DOK6: variants seen among roughly 807,000 people sequenced by gnomAD.
DOK6 encodes docking protein 6, also known as downstream of tyrosine kinase 6.
Under a neutral mutation model 44.0 loss-of-function variants are expected in DOK6, and 22 were observed. The observed-to-expected ratio is 0.50, with a 90% CI of 0.36 to 0.71. The LOEUF is 0.71. DOK6 is among the 30% of genes least tolerant of loss of function. The probability of loss-of-function intolerance (pLI) is 0.00; values close to 1 mark genes in which losing one functional copy is unlikely to be tolerated. For missense variants in DOK6, 340 were observed against 416.4 expected (o/e 0.82, Z 1.60); for synonymous variants, 166 against 145.5 (o/e 1.14, Z -1.01).
At chr18:69,666,533 A>G (rs1052783751) in intron 3 of DOK6, among the ~76,000 whole-genome samples, 22 of 152,108 alleles carry the variant, frequency 1.4e-4, no homozygotes, top group African/African-American at 4.1e-4. Flanking sequence ...TTTTTTCTCA[A>G]TTACACAGTG....
chr18:69,828,975 T>C (rs115467467), intron 7 of DOK6, among the ~76,000 whole-genome samples: 1,504 of 143,706 alleles, frequency 0.01, 23 homozygotes, highest in African/African-American at 0.035. Context: ...ATTTGGGTAA[T>C]AGAATGTTTT....
rs924101246 is a variant in DOK6 at position 69,843,721 on chromosome 18, C to T, written c.*2338C>T. 6.6e-6 allele frequency: 1 copy of T among 152,200 alleles called. No individual in the cohort carries two copies. The highest frequency in any genetic ancestry group is 1.5e-5 in the Non-Finnish European group (1 of 68,048). The allele number at this position is 152,200 out of a possible 1,614,324, so 9.4% of individuals were successfully genotyped here. A position where few individuals can be genotyped will look rare whatever the true frequency, so the allele number is the denominator to read the frequency against. On this transcript the variant is annotated 3_prime_UTR_variant, in exon 8 of 8. Transcript: ENST00000382713. ...AACTGAAGGAGCACCAAAGATCAGG[C>T]ATAACCTCGGGCCAGTTCATTCTGA...
chr18:69,831,751 C>G, intron 7 of DOK6, among the ~76,000 whole-genome samples: 1 of 152,176 alleles, frequency 6.6e-6, no homozygotes, highest in Admixed American at 6.5e-5. Context: ...GCACAGTGAT[C>G]AAATCATAAC....
At chr18:69,490,254 G>T (rs1056566575) in intron 1 of DOK6, among the ~76,000 whole-genome samples, 1 of 152,140 alleles carries the variant, frequency 6.6e-6, no homozygotes, top group African/African-American at 2.4e-5. Context: ...TCATTAGACA[G>T]CAGTCACAGC....
At chr18:69,608,476 T>G (rs1218615999) in intron 3 of DOK6, among the ~76,000 whole-genome samples, 1 of 152,230 alleles carries the variant, frequency 6.6e-6, no homozygotes, top group East Asian at 1.9e-4. Flanking sequence ...AAGATTGATT[T>G]GGATATTCAT....
intron 5 of DOK6, among the ~76,000 whole-genome samples, chr18:69,703,730 AG>A (rs1333074101): frequency 8.5e-5 from 13 of 152,206 alleles, no homozygotes; most frequent in African/African-American, 2.9e-4. Context: ...CAGGGGAAGA[AG>A]GTGGGAACAT....
rs750346554 is a variant in DOK6 at position 69,564,607 on chromosome 18, C to G, written c.174+13C>G. The G allele has an allele frequency of 6.3e-6, 10 of 1,589,600 alleles. No homozygotes were observed. The highest frequency in any genetic ancestry group is 8.6e-6 in the Non-Finnish European group (10 of 1,163,358). On this transcript the variant is annotated intron_variant, in intron 2 of 7. Coordinates refer to ENST00000382713, the MANE Select transcript of DOK6 (RefSeq NM_152721.6). ...AAACTTTCATAAGGTAAGTCACAGT[C>G]CTGGGAGTCCCTGGGGAATAACTGG...
chr18:69,423,411 G>C (rs1174044742), intron 1 of DOK6, among the ~76,000 whole-genome samples: 1 of 152,156 alleles, frequency 6.6e-6, no homozygotes, highest in Non-Finnish European at 1.5e-5. Context: ...GTATTTATCT[G>C]TGTTACTACC....
chr18:69,544,314 A>G (rs1206263780), intron 1 of DOK6, among the ~76,000 whole-genome samples: 8 of 151,564 alleles, frequency 5.3e-5, no homozygotes, highest in African/African-American at 1.4e-4. Context: ...GTAGATATCA[A>G]TGTTATATTA....
chr18:69,707,097 A>G (rs1986652001), intron 5 of DOK6, among the ~76,000 whole-genome samples: 1 of 152,234 alleles, frequency 6.6e-6, no homozygotes, highest in Non-Finnish European at 1.5e-5. Flanking sequence ...TGCTTCAAAC[A>G]GAATAAAATA....
intron 1 of DOK6, among the ~76,000 whole-genome samples, chr18:69,536,005 A>G (rs1481194867): frequency 6.6e-6 from 1 of 152,184 alleles, no homozygotes; most frequent in African/African-American, 2.4e-5. Context: ...AGACATAGGG[A>G]GAAGACTAGT....
intron 7 of DOK6, among the ~76,000 whole-genome samples, chr18:69,773,649 A>C (rs1979955186): frequency 6.6e-6 from 1 of 152,028 alleles, no homozygotes; most frequent in Non-Finnish European, 1.5e-5. Context: ...AATTCACAGA[A>C]GCAGGGAACA....
intron 3 of DOK6, chr18:69,618,695 G>A (rs1011668309): frequency 2.6e-5 from 4 of 152,076 alleles, no homozygotes; most frequent in African/African-American, 9.7e-5. Flanking sequence ...ACCATAAGAA[G>A]AGTACAACAG....
chr18:69,772,666 T>C (rs1001903805), intron 7 of DOK6, among the ~76,000 whole-genome samples: 4 of 151,864 alleles, frequency 2.6e-5, no homozygotes, highest in Non-Finnish European at 4.4e-5. Flanking sequence ...AAGAATGAAA[T>C]TGGACCCCTA....
At chr18:69,500,807 A>G (rs563057173) in intron 1 of DOK6, among the ~76,000 whole-genome samples, 19 of 152,174 alleles carry the variant, frequency 1.2e-4, no homozygotes, top group Non-Finnish European at 2.5e-4. Flanking sequence ...AATATAATAA[A>G]TCATCATTTA....
At chr18:69,440,929 G>A (rs1979120297) in intron 1 of DOK6, among the ~76,000 whole-genome samples, 1 of 152,106 alleles carries the variant, frequency 6.6e-6, no homozygotes, top group Non-Finnish European at 1.5e-5. Flanking sequence ...AATTTCATCA[G>A]CTTCTTGAAG....
chr18:69,563,369 C>T (rs1176142069), intron 1 of DOK6, among the ~76,000 whole-genome samples: 1 of 152,060 alleles, frequency 6.6e-6, no homozygotes, highest in East Asian at 1.9e-4. Context: ...TATTGCAGCA[C>T]TATTCACAAT....
chr18:69,532,920 G>A (rs747888778), intron 1 of DOK6: 4 of 152,002 alleles, frequency 2.6e-5, no homozygotes, highest in Non-Finnish European at 5.9e-5. Flanking sequence ...TTTCAGTGGT[G>A]GATAAATTTT....
At chr18:69,450,594 A>G (rs1287263586) in intron 1 of DOK6, among the ~76,000 whole-genome samples, 2 of 150,502 alleles carry the variant, frequency 1.3e-5, no homozygotes, top group Non-Finnish European at 3.0e-5. Context: ...GAGCAACTCC[A>G]AGACACATAA....
Sources: allele counts gnomAD v4.1 joint callset (sites outside exome capture counted in the v4.1 genomes callset), GRCh38; gene constraint gnomAD v4.1.1; transcripts MANE v1.5; gene names NCBI Gene and HGNC (gene_info 2026-07-23, HGNC 2026-07-21).